PCDHGB1: variants seen among roughly 807,000 people sequenced by gnomAD.
PCDHGB1 encodes the protein protocadherin gamma subfamily B, 1.
PCDHGB1 carries 34 observed loss-of-function variants against 56.6 expected under a neutral mutation model. The ratio of observed to expected loss-of-function variants is 0.60; its 90% CI spans 0.46 to 0.80. PCDHGB1 has a LOEUF of 0.80. Among genes scored for constraint, PCDHGB1 ranks in the 30% least tolerant of loss-of-function variants. The pLI, the probability that PCDHGB1 is intolerant of heterozygous loss-of-function variation, is 0.00. For missense variants in PCDHGB1, 1,278 were observed against 1,204.6 expected, an observed-to-expected ratio of 1.06 and a Z score of -0.90; for synonymous variants, 561 against 505.9, an observed-to-expected ratio of 1.11 and a Z score of -1.46.
chr5:141,432,584 C>T lies in PCDHGB1; in HGVS notation c.2410-62223C>T, dbSNP rs762935149. The T allele has an allele frequency of 2.3e-5, 37 of 1,613,854 alleles. No individual in the cohort carries two copies. The highest frequency in any genetic ancestry group is 3.3e-4 in the Middle Eastern group (2 of 6,018). On this transcript the variant is annotated intron_variant, in intron 1 of 3. Coordinates refer to ENST00000523390, the MANE Select transcript of PCDHGB1 (RefSeq NM_018922.3). The surrounding 1 kb of genome is among the most constrained non-coding windows in gnomAD (Gnocchi z 6.0). ...GAACGCCTGGCTGTCCTACCGTCTG[C>T]TCAAGGCCAGCGAGCCGGGACTCTT...
At chr5:141,374,310 C>G (rs770058469) in intron 1 of PCDHGB1, 4 of 1,614,006 alleles carry the variant, frequency 2.5e-6, no homozygotes, top group South Asian at 1.1e-5. Flanking sequence ...CAGCTTTTCT[C>G]TCTGAATCCG....
intron 1 of PCDHGB1, chr5:141,423,740 G>T: frequency 1.4e-6 from 1 of 698,992 alleles, no homozygotes; most frequent in Non-Finnish European, 1.8e-6. Flanking sequence ...AGCCTGTTAT[G>T]AAAACTGTTT....
intron 1 of PCDHGB1, chr5:141,356,177 G>A: frequency 6.2e-7 from 1 of 1,612,412 alleles, no homozygotes; most frequent in Non-Finnish European, 8.5e-7. Flanking sequence ...GATGGGCCTG[G>A]TCTCCGAGCT....
intron 1 of PCDHGB1, chr5:141,399,794 C>T (rs2093888579): frequency 1.9e-6 from 3 of 1,613,268 alleles, no homozygotes; most frequent in Middle Eastern, 1.7e-4. Flanking sequence ...GACAACGCAC[C>T]GCGGGTGCTG....
At position 141,363,833 on chromosome 5, in the gene PCDHGB1, T is replaced by A. The variant is rs533178318; in HGVS notation, c.2409+11164T>A. 4.7e-4 allele frequency among the ~76,000 whole-genome samples: 71 copies of A among 152,330 alleles called. 1 individual carries two copies. In the South Asian group the frequency reaches 4.8e-3, roughly 10 times the overall value. ...AATCCTACAAAGGTAAGAATTTGAA[T>A]GTCCTAATTTAATGGACTAAATATA... is the stretch of plus-strand genomic sequence containing the variant. On this transcript the variant is annotated intron_variant, in intron 1 of 3. Transcript: ENST00000523390.
intron 1 of PCDHGB1, chr5:141,411,997 T>A (rs1321898808): frequency 6.6e-6 from 1 of 152,030 alleles, no homozygotes; most frequent in Non-Finnish European, 1.5e-5. Context: ...GAAGGCATAG[T>A]GACATAAACA....
intron 1 of PCDHGB1, chr5:141,415,950 A>G (rs996935488): frequency 4.0e-6 from 2 of 498,646 alleles, no homozygotes; most frequent in Non-Finnish European, 6.1e-6. Flanking sequence ...GGGTGGTCAC[A>G]TATTGAAACT....
In PCDHGB1 at chr5:141,486,645, C is replaced by G. The variant is rs369948556; in HGVS notation, c.2410-8162C>G. ...GACTCTGGCTTGAATGCGCTTATCT[C>G]CTACTCACTCCTGGAGCCCAGGAAT... On this transcript the variant is annotated intron_variant, in intron 1 of 3. Coordinates refer to ENST00000523390, the MANE Select transcript of PCDHGB1 (RefSeq NM_018922.3). The surrounding 1 kb of genome is among the most constrained non-coding windows in gnomAD (Gnocchi z 5.0). 4.3e-6 allele frequency: 7 copies of G among 1,613,752 alleles called. No individual in the cohort carries two copies. The Admixed American group carries it at 6.7e-5, about 15-fold the overall frequency.
chr5:141,389,675 A>C, intron 1 of PCDHGB1: 1 of 1,612,412 alleles, frequency 6.2e-7, no homozygotes, highest in Non-Finnish European at 8.5e-7. Flanking sequence ...CAGACTCAGG[A>C]CACAACGCCT....
At chr5:141,413,128 CA>C in intron 1 of PCDHGB1, 1 of 1,534,686 alleles carries the variant, frequency 6.5e-7, no homozygotes, top group Non-Finnish European at 8.8e-7. Flanking sequence ...GGTTGAAACA[CA>C]CAACGTGTCC....
At chr5:141,459,694 T>A (rs767389870) in intron 1 of PCDHGB1, among the ~76,000 whole-genome samples, 1 of 152,252 alleles carries the variant, frequency 6.6e-6, no homozygotes, top group Non-Finnish European at 1.5e-5. Context: ...AGCGTTCCGC[T>A]TGCTACATTT....
In PCDHGB1 at chr5:141,491,144, TGGA is replaced by T. The variant is rs757881044; in HGVS notation, c.2410-3659_2410-3657del. ...GAGGTGCGCACAGCCCGGGCCTTAC[TGGA>T]GGATGACTCTGACACCCAGCAGGTG... On this transcript the variant is annotated intron_variant, in intron 1 of 3. Coordinates refer to ENST00000523390, the MANE Select transcript of PCDHGB1 (RefSeq NM_018922.3). This position sits in a 1 kb window ranked among gnomAD's most constrained non-coding sequence, Gnocchi z 6.9. The T allele has an allele frequency of 1.2e-6, 2 of 1,614,158 alleles. No individual in the cohort carries two copies. The highest frequency in any genetic ancestry group is 2.2e-5 in the South Asian group (2 of 91,086).
intron 1 of PCDHGB1, chr5:141,365,891 G>A (rs1764189637): frequency 1.2e-6 from 2 of 1,614,018 alleles, no homozygotes; most frequent in Non-Finnish European, 1.7e-6. Flanking sequence ...GAGATCCTTC[G>A]ACTATGAGCA....
At chr5:141,422,645 TCTCAGTGAC>T in intron 1 of PCDHGB1, 2 of 1,612,232 alleles carry the variant, frequency 1.2e-6, no homozygotes, top group Non-Finnish European at 1.7e-6. Flanking sequence ...GCCTCCATCT[TCTCAGTGAC>T]CGCCCTCGAC....
chr5:141,461,506 AT>A (rs1406680307), intron 1 of PCDHGB1, among the ~76,000 whole-genome samples: 2 of 151,524 alleles, frequency 1.3e-5, no homozygotes, highest in Non-Finnish European at 1.5e-5. Context: ...TTTCTTGGTG[AT>A]TTGTTAGTTC....
At chr5:141,384,891 G>A in intron 1 of PCDHGB1, 1 of 1,613,876 alleles carries the variant, frequency 6.2e-7, no homozygotes, top group Non-Finnish European at 8.5e-7. Flanking sequence ...CCGTGGCTGT[G>A]GCTGACAGCA....
At chr5:141,376,678 T>C in intron 1 of PCDHGB1, 2 of 277,706 alleles carry the variant, frequency 7.2e-6, no homozygotes, top group East Asian at 7.3e-5. Flanking sequence ...AGGGTATCGT[T>C]TTTTTTTTTT....
At chr5:141,472,745 G>A (rs931198460) in intron 1 of PCDHGB1, among the ~76,000 whole-genome samples, 4 of 152,038 alleles carry the variant, frequency 2.6e-5, no homozygotes, top group African/African-American at 9.7e-5. Flanking sequence ...CAGCACTTTG[G>A]GAGGCGGAGG....
rs373424450 is a variant in PCDHGB1, at chr5:141,450,829, AT to A, written c.2410-43965del. 1.1e-3 allele frequency among the ~76,000 whole-genome samples: 154 copies of A among 135,102 alleles called. 1 individual carries two copies. Among genetic ancestry groups the A allele is most frequent in the South Asian group, 8.9e-3 (38 of 4,254 alleles). 88.6% of individuals were successfully genotyped at this position (135,102 alleles called of 152,430 possible). ...TTATTTATTTAATATTATTATTATTATTTTTTTTTTTTTGAGATGGGGTCTT... is the reference window on the plus strand; with the variant it reads ...TTATTTATTTAATATTATTATTATTATTTTTTTTTTTTGAGATGGGGTCTT... On this transcript the variant is annotated intron_variant, in intron 1 of 3. Transcript: ENST00000523390.
Sources: gnomAD v4.1 joint callset for allele counts (sites outside exome capture counted in the v4.1 genomes callset) on GRCh38, gnomAD v4.1.1 for gene constraint, Gnocchi (gnomAD v3.1) non-coding constraint, MANE v1.5 for transcripts, NCBI Gene and HGNC (gene_info 2026-07-23, HGNC 2026-07-21) for gene names.